The following MDGA2 variants were observed in gnomAD, a reference collection of about 807,000 sequenced individuals.
MDGA2 encodes MAM domain containing glycosylphosphatidylinositol anchor 2, also known as MAM domain-containing glycosylphosphatidylinositol anchor protein 2.
Under a neutral mutation model 117.8 loss-of-function variants are expected in MDGA2, and 40 were observed. The observed-to-expected ratio is 0.34, with a 90% CI of 0.26 to 0.44. The LOEUF (loss-of-function observed/expected upper bound fraction) is 0.44. Ranked by LOEUF, MDGA2 falls within the 20% of genes least tolerant of loss-of-function variation. The pLI is 1.00. For synonymous variants in MDGA2, 452 were observed against 439.0 expected, an observed-to-expected ratio of 1.03 and a Z score of -0.37; for missense variants, 1,123 against 1,250.6, an observed-to-expected ratio of 0.90 and a Z score of 1.54.
At chr14:47,586,462 A>C (rs1896327017) in intron 1 of MDGA2, among the ~76,000 whole-genome samples, 1 of 151,944 alleles carries the variant, frequency 6.6e-6, no homozygotes, top group Non-Finnish European at 1.5e-5. Context: ...AGCTTAGAAT[A>C]AAATAAAGCA....
rs542728880 is a variant in MDGA2 at position 47,154,994 on chromosome 14, G to A, written c.596-10720C>T. ...CAAGCACTTCCTCCCCTCGGAAGCC[G>A]ATTAAAATCCCAGACTCAGCCAGAC... On this transcript the variant is annotated intron_variant, in intron 3 of 16. Transcript: ENST00000399232. Among the ~76,000 whole-genome samples, 18 of 152,224 alleles carry A rather than the reference G, an allele frequency of 1.2e-4. No homozygotes were observed. The South Asian group carries it at 2.7e-3, about 23-fold the overall frequency.
intron 8 of MDGA2, among the ~76,000 whole-genome samples, chr14:47,018,733 GAAAAAAAA>G (rs60442845): frequency 0.011 from 426 of 38,618 alleles, 1 homozygote; most frequent in African/African-American, 0.042. Context: ...CCATTTTACT[GAAAAAAAA>G]AAAAAAAAAA....
At chr14:47,472,697 G>C (rs548084250) in intron 1 of MDGA2, among the ~76,000 whole-genome samples, 6 of 152,118 alleles carry the variant, frequency 3.9e-5, no homozygotes, top group Non-Finnish European at 7.4e-5. Flanking sequence ...CTATCATGAA[G>C]CATAGAGGGA....
intron 10 of MDGA2, among the ~76,000 whole-genome samples, chr14:46,893,920 G>A (rs1882979073): frequency 6.6e-6 from 1 of 151,886 alleles, no homozygotes; most frequent in African/African-American, 2.4e-5. Flanking sequence ...AGACTTCTAT[G>A]TATATGTCCC....
chr14:47,191,677 A>G lies in MDGA2; in HGVS notation c.595+26344T>C, dbSNP rs534235434. On this transcript the variant is annotated intron_variant, in intron 3 of 16. Transcript: ENST00000399232. ...GAATAATATAAATTTTCCCACTAATAATGAGTTGCTACTTTTCTACCCATT... is the reference window on the plus strand; with the variant it reads ...GAATAATATAAATTTTCCCACTAATGATGAGTTGCTACTTTTCTACCCATT... 3.3e-5 allele frequency among the ~76,000 whole-genome samples: 5 copies of G among 152,290 alleles called. No individual in the cohort carries two copies. The South Asian group carries it at 8.3e-4, about 25-fold the overall frequency.
At chr14:47,021,295 A>G (rs919370182) in intron 8 of MDGA2, among the ~76,000 whole-genome samples, 5 of 152,174 alleles carry the variant, frequency 3.3e-5, no homozygotes, top group Admixed American at 6.5e-5. Flanking sequence ...AACCATCCTC[A>G]TTCTAAACAG....
At position 47,039,777 on chromosome 14, in the gene MDGA2, A is replaced by G. The variant is rs76888202; in HGVS notation, c.1526-4473T>C. 1.4e-3 allele frequency among the ~76,000 whole-genome samples: 216 copies of G among 152,318 alleles called. 2 individuals are homozygous for G. The East Asian group carries it at 0.033, about 23-fold the overall frequency. ...GATAAGACATTTATATTAAGTGGGA[A>G]AAGCATGTTAGCAAGTAGTATAAAT... On this transcript the variant is annotated intron_variant, in intron 7 of 16. Coordinates refer to ENST00000399232, the MANE Select transcript of MDGA2 (RefSeq NM_001113498.3).
chr14:47,373,792 T>G (rs1173162470), intron 1 of MDGA2, among the ~76,000 whole-genome samples: 1 of 152,162 alleles, frequency 6.6e-6, no homozygotes, highest in Non-Finnish European at 1.5e-5. Context: ...ACATTCAATG[T>G]TGGCCTGAAA....
chr14:47,057,703 T>A (rs1291708949), intron 7 of MDGA2, among the ~76,000 whole-genome samples: 1 of 127,904 alleles, frequency 7.8e-6, no homozygotes, highest in Non-Finnish European at 1.6e-5. Flanking sequence ...CTGCCTTGCC[T>A]TGCCTTACCT....
At chr14:47,115,521 T>A (rs763610888) in intron 5 of MDGA2, among the ~76,000 whole-genome samples, 1 of 152,046 alleles carries the variant, frequency 6.6e-6, no homozygotes, top group African/African-American at 2.4e-5. Context: ...TTTTTATTTC[T>A]ATGTTTATAT....
At chr14:47,653,424 G>A (rs1897681722) in intron 1 of MDGA2, among the ~76,000 whole-genome samples, 1 of 151,986 alleles carries the variant, frequency 6.6e-6, no homozygotes, top group African/African-American at 2.4e-5. Flanking sequence ...AAAGAGTTGG[G>A]GGAAGTAATA....
chr14:47,233,921 G>C (rs552349251), intron 2 of MDGA2, among the ~76,000 whole-genome samples: 2 of 152,122 alleles, frequency 1.3e-5, no homozygotes, highest in South Asian at 2.1e-4. Context: ...CTTGCACTCA[G>C]GTCCTCTAAG....
intron 9 of MDGA2, among the ~76,000 whole-genome samples, chr14:46,935,942 G>A (rs1771350071): frequency 6.6e-6 from 1 of 151,708 alleles, no homozygotes; most frequent in Non-Finnish European, 1.5e-5. Flanking sequence ...ATAATTCAGA[G>A]GTCCAAGAAA....
intron 1 of MDGA2, among the ~76,000 whole-genome samples, chr14:47,669,870 T>A (rs935795998): frequency 7.2e-4 from 110 of 152,272 alleles, no homozygotes; most frequent in African/African-American, 2.6e-3. Context: ...AAAAAAATCA[T>A]AATCAATATA....
rs3985119 is a variant in MDGA2, at chr14:46,959,251, ATGTGTGTGTGTGTGTGTGTG to A, written c.1820-1628_1820-1609del. On this transcript the variant is annotated intron_variant, in intron 8 of 16. Coordinates refer to ENST00000399232, the MANE Select transcript of MDGA2 (RefSeq NM_001113498.3). ...TCTTTTATCTCCAGCAATGCTATAT[ATGTGTGTGTGTGTGTGTGTG>A]TGTGTGTGTGTGTGTGTGTGTGTGT... Among the ~76,000 whole-genome samples, 720 of 140,234 alleles carry A rather than the reference ATGTGTGTGTGTGTGTGTGTG, an allele frequency of 5.1e-3. 9 individuals are homozygous for A. Among genetic ancestry groups the A allele is most frequent in the African/African-American group, 0.016 (637 of 39,184 alleles). 92.0% of individuals were successfully genotyped at this position (140,234 alleles called of 152,430 possible). A position where few individuals can be genotyped will look rare whatever the true frequency, so the allele number is the denominator to read the frequency against.
chr14:47,330,905 G>T (rs1250503587), intron 1 of MDGA2, among the ~76,000 whole-genome samples: 4 of 151,766 alleles, frequency 2.6e-5, no homozygotes, highest in Non-Finnish European at 5.9e-5. Context: ...AAAGTCAAAA[G>T]GTAGTTTCTA....
At chr14:47,302,150 C>T (rs1175464587) in intron 1 of MDGA2, among the ~76,000 whole-genome samples, 3 of 152,132 alleles carry the variant, frequency 2.0e-5, no homozygotes, top group Non-Finnish European at 4.4e-5. Context: ...TCGCCTGAGT[C>T]TAAAATTCTG....
At chr14:47,248,943 C>T (rs1203236750) in intron 2 of MDGA2, among the ~76,000 whole-genome samples, 4 of 149,456 alleles carry the variant, frequency 2.7e-5, no homozygotes, top group Admixed American at 6.8e-5. Context: ...CCCTCCCTTC[C>T]TCCCTCCCTC....
chr14:47,594,454 C>A (rs1020210002), intron 1 of MDGA2, among the ~76,000 whole-genome samples: 1 of 152,174 alleles, frequency 6.6e-6, no homozygotes, highest in Admixed American at 6.5e-5. Flanking sequence ...ACAGATTTCT[C>A]TGAAGGACCC....
Sources: allele counts gnomAD v4.1 joint callset (sites outside exome capture counted in the v4.1 genomes callset), GRCh38; gene constraint gnomAD v4.1.1; transcripts MANE v1.5; gene names NCBI Gene and HGNC (gene_info 2026-07-23, HGNC 2026-07-21).